Variants in NFASC observed in about 807,000 individuals in gnomAD.
NFASC encodes the protein neurofascin, also known as neurofascin homolog.
Under a neutral mutation model 147.5 loss-of-function variants are expected in NFASC, and 43 were observed. The ratio of observed to expected loss-of-function variants is 0.29; its 90% CI spans 0.23 to 0.38. The LOEUF is 0.38. Ranked by LOEUF, NFASC falls within the 10% of genes least tolerant of loss-of-function variation. The pLI, the probability that NFASC is intolerant of heterozygous loss-of-function variation, is 1.00. For synonymous variants in NFASC, 622 were observed against 665.5 expected, an observed-to-expected ratio of 0.93 and a Z score of 1.01; for missense variants, 1,320 against 1,689.0, an observed-to-expected ratio of 0.78 and a Z score of 3.83.
chr1:204,984,373 A>T, intron 21 of NFASC: 1 of 124,642 alleles, frequency 8.0e-6, no homozygotes, highest in Non-Finnish European at 1.5e-5. Context: ...GTGTGTGTAT[A>T]TATATACGCA....
At chr1:204,858,970 T>TG (rs2076420046) in intron 1 of NFASC, among the ~76,000 whole-genome samples, 2 of 150,434 alleles carry the variant, frequency 1.3e-5, no homozygotes, top group Non-Finnish European at 2.9e-5. Context: ...TTCAGTTGAA[T>TG]GCACTGACTT....
At chr1:204,879,264 A>G (rs78844133) in intron 1 of NFASC, among the ~76,000 whole-genome samples, 4,123 of 152,342 alleles carry the variant, frequency 0.027, 148 homozygotes, top group African/African-American at 0.082. Context: ...AAAAAATAAT[A>G]GTGAATAACT....
At chr1:204,905,531 G>A (rs1301724261) in intron 1 of NFASC, among the ~76,000 whole-genome samples, 1 of 151,818 alleles carries the variant, frequency 6.6e-6, no homozygotes, top group Non-Finnish European at 1.5e-5. Context: ...CAAGTCCTTC[G>A]CTTTTTTTGT....
chr1:204,999,238 C>T (rs997861421), intron 25 of NFASC: 20 of 151,994 alleles, frequency 1.3e-4, no homozygotes, highest in African/African-American at 4.4e-4. Flanking sequence ...ATGCTTGGTC[C>T]TTCTCTTTGA....
chr1:204,970,087 A>G (rs1558300361), intron 10 of NFASC, among the ~76,000 whole-genome samples: 1 of 151,630 alleles, frequency 6.6e-6, no homozygotes, highest in Non-Finnish European at 1.5e-5. Flanking sequence ...AAAAAAAAAA[A>G]AAAAAAAAAA....
At chr1:204,926,038 A>T (rs2091432537) in intron 2 of NFASC, among the ~76,000 whole-genome samples, 1 of 151,732 alleles carries the variant, frequency 6.6e-6, no homozygotes. Context: ...TACTGTGGAG[A>T]TAGAGACCAG....
At chr1:204,936,855 G>A (rs1308781122) in intron 2 of NFASC, among the ~76,000 whole-genome samples, 1 of 152,202 alleles carries the variant, frequency 6.6e-6, no homozygotes, top group African/African-American at 2.4e-5. Context: ...CTCTCCGTGA[G>A]CATGCCCTGG....
chr1:204,851,560 T>C (rs1316795633), intron 1 of NFASC, among the ~76,000 whole-genome samples: 2 of 152,026 alleles, frequency 1.3e-5, no homozygotes, highest in Non-Finnish European at 2.9e-5. Flanking sequence ...CTCAAACTCC[T>C]GACCTCAAGT....
intron 1 of NFASC, among the ~76,000 whole-genome samples, chr1:204,830,373 G>C (rs1671862796): frequency 6.6e-6 from 1 of 152,194 alleles, no homozygotes; most frequent in African/African-American, 2.4e-5. Flanking sequence ...GCTGTGAGGT[G>C]GGGGCAGTGG....
chr1:204,946,302 G>T (rs780309138), intron 3 of NFASC: 1 of 513,424 alleles, frequency 1.9e-6, no homozygotes, highest in Non-Finnish European at 3.9e-6. Context: ...ATCGCACATG[G>T]TTCTGGCAGC....
intron 2 of NFASC, among the ~76,000 whole-genome samples, chr1:204,923,492 C>G (rs961101199): frequency 1.3e-4 from 20 of 152,270 alleles, no homozygotes; most frequent in Non-Finnish European, 1.2e-4. Flanking sequence ...CTTCCCCAGG[C>G]CTTCAATTTC....
Position 204,968,957 on chromosome 1 carries a change from G to T in NFASC, c.978G>T (p.Arg326=). ...CLASNKMGSI[R]HTISVRVKAA... is the part of the protein sequence containing the mutation. The stretch of plus-strand genomic sequence containing the variant: ...CCTCCAACAAGATGGGCAGCATCCG[G>T]CACACGATCTCGGTGAGAGTAAAGG... Residue 326 remains arginine (R), a synonymous_variant, in exon 10 of 30, where the codon CGG becomes CGT. Coordinates refer to ENST00000339876, the MANE Select transcript of NFASC (RefSeq NM_001005388.3). The surrounding 1 kb of genome is among the most constrained non-coding windows in gnomAD (Gnocchi z 5.4). The T allele has an allele frequency of 6.2e-7, 1 of 1,613,984 alleles. No homozygotes were observed. The highest frequency in any genetic ancestry group is 1.1e-5 in the South Asian group (1 of 91,050).
chr1:204,918,976 A>G (rs2089903234), intron 1 of NFASC, among the ~76,000 whole-genome samples: 1 of 152,128 alleles, frequency 6.6e-6, no homozygotes, highest in South Asian at 2.1e-4. Context: ...TTCAAAGTCC[A>G]ACTTCTGTCT....
intron 8 of NFASC, chr1:204,962,090 C>T (rs763883503): frequency 8.7e-6 from 14 of 1,609,834 alleles, no homozygotes; most frequent in Non-Finnish European, 1.2e-5. Flanking sequence ...TTTGCTCACC[C>T]TCTTTTGTTT....
chr1:204,969,098 C>A, intron 10 of NFASC, 116 bp downstream of exon 10: 3 of 905,866 alleles, frequency 3.3e-6, no homozygotes, highest in Non-Finnish European at 5.0e-6. Flanking sequence ...CAGCCCACTG[C>A]TCAGTGGCAA....
intron 26 of NFASC, 60 bp from the exon 27 acceptor site, chr1:205,002,536 G>A: frequency 7.4e-7 from 1 of 1,344,634 alleles, no homozygotes. Context: ...CAGGACCTAA[G>A]CACTGGCTCT....
Position 204,968,291 on chromosome 1 carries a change from A to C in NFASC, c.749A>C (p.Gln250Pro). 6.2e-7 allele frequency: 1 copy of C among 1,614,174 alleles called. No individual in the cohort carries two copies. Among genetic ancestry groups the C allele is most frequent in the Non-Finnish European group, 8.5e-7 (1 of 1,180,012 alleles). Residue 250 changes from glutamine (Q) to proline (P), a missense_variant, in exon 9 of 30, where the codon CAG becomes CCG. Gln to Pro is a moderately conservative substitution (Grantham distance 76). This residue lies in a region of NFASC where 981 missense variants were observed against 1,289.5 expected (regional missense o/e 0.76). Coordinates refer to ENST00000339876, the MANE Select transcript of NFASC (RefSeq NM_001005388.3). This position sits in a 1 kb window ranked among gnomAD's most constrained non-coding sequence, Gnocchi z 5.4. ...AERTPSFMYP[Q>P]GTASSQMVLR... ...AGAACACCAAGCTTCATGTATCCCCAGGGCACCGCGAGCAGCCAGATGGTG... is the reference window on the plus strand; with the variant it reads ...AGAACACCAAGCTTCATGTATCCCCCGGGCACCGCGAGCAGCCAGATGGTG...
At chr1:204,967,942 C>CTCGGTGG in intron 8 of NFASC, 4 of 289,588 alleles carry the variant, frequency 1.4e-5, no homozygotes, top group East Asian at 8.5e-5. Context: ...TGGAGTAGAT[C>CTCGGTGG]TCGCACTGCT....
In NFASC at chr1:204,968,992, G is replaced by T; in HGVS notation, c.1003+10G>T. 1.2e-6 allele frequency: 2 copies of T among 1,609,820 alleles called. No individual in the cohort carries two copies. The highest frequency in any genetic ancestry group is 1.7e-6 in the Non-Finnish European group (2 of 1,177,426). ...TCGGTGAGAGTAAAGGGTACGTTGT[G>T]TGTATTTATCATTATGATTATGTTG... On this transcript the variant is annotated intron_variant, in intron 10 of 29. Transcript: ENST00000339876. The surrounding 1 kb of genome is among the most constrained non-coding windows in gnomAD (Gnocchi z 5.4).
Sources: gnomAD v4.1 joint callset for allele counts (sites outside exome capture counted in the v4.1 genomes callset) on GRCh38, gnomAD v4.1.1 for gene constraint, gnomAD v4.1.1 regional missense constraint, Gnocchi (gnomAD v3.1) non-coding constraint, MANE v1.5 for transcripts, NCBI Gene and HGNC (gene_info 2026-07-23, HGNC 2026-07-21) for gene names.